Variants in ZNF74 observed in about 807,000 individuals in gnomAD.
ZNF74 encodes the protein zinc finger protein 520.
A neutral mutation model predicts 17.7 loss-of-function variants in ZNF74; 12 were observed. The ratio of observed to expected loss-of-function variants is 0.68; its 90% CI spans 0.43 to 1.10. The LOEUF is 1.10. Among genes scored for constraint, ZNF74 ranks in the 50% least tolerant of loss-of-function variants. The pLI, the probability that ZNF74 is intolerant of heterozygous loss-of-function variation, is 0.00. For missense variants in ZNF74, 811 were observed against 881.0 expected (o/e 0.92, Z 1.01); for synonymous variants, 358 against 362.1 (o/e 0.99, Z 0.13).
In ZNF74 at chr22:20,401,377, G is replaced by T; in HGVS notation, c.343+5G>T. The T allele has an allele frequency of 6.3e-7, 1 of 1,591,394 alleles. No individual in the cohort carries two copies. The highest frequency in any genetic ancestry group is 8.6e-7 in the Non-Finnish European group (1 of 1,165,982). ...TCCCCAGAGGGCCCTGTCCAGGTGAGCAGAGGCACAGGTGGAAGGGTGCCA... is the reference window on the plus strand; with the variant it reads ...TCCCCAGAGGGCCCTGTCCAGGTGATCAGAGGCACAGGTGGAAGGGTGCCA... On this transcript the variant is annotated splice_donor_5th_base_variant and intron_variant, in intron 4 of 4. Transcript: ENST00000400451. This position sits in a 1 kb window ranked among gnomAD's most constrained non-coding sequence, Gnocchi z 4.2.
rs778937378 is a variant in ZNF74, at chr22:20,405,527, C to T, written c.494C>T (p.Ala165Val). 7 of 1,601,698 alleles carry T rather than the reference C, an allele frequency of 4.4e-6. No individual in the cohort carries two copies. The highest frequency in any genetic ancestry group is 6.0e-6 in the Non-Finnish European group (7 of 1,174,518). ...CAGAGGAGTCAGGCTGCGCCCTGGGCGCCCGCACCTGCCATGGTCTGGGAC... is the reference window on the plus strand; with the variant it reads ...CAGAGGAGTCAGGCTGCGCCCTGGGTGCCCGCACCTGCCATGGTCTGGGAC... ...ALQRSQAAPW[A>V]PAPAMVWDVP... is the part of the protein sequence containing the mutation. The change falls in exon 5 of 5, where the codon GCG (alanine) becomes GTG (valine). Residue 165 changes from alanine to valine, a missense_variant. Transcript: ENST00000400451.
intron 4 of ZNF74, among the ~76,000 whole-genome samples, chr22:20,402,076 C>T (rs759790661): frequency 7.2e-5 from 11 of 152,264 alleles, no homozygotes; most frequent in Non-Finnish European, 1.2e-4. Flanking sequence ...GTGGTAAATT[C>T]GGCTTAATTT....
In ZNF74 at chr22:20,394,167, G is replaced by A; in HGVS notation, c.-462G>A. On this transcript the variant is annotated 5_prime_UTR_variant, in exon 1 of 5. Coordinates refer to ENST00000400451, the MANE Select transcript of ZNF74 (RefSeq NM_003426.4). ...CGCTTTCCCGCAGCGGCCGCCTGCT[G>A]CTCTTTGTGGCAGTCGCAGTCCTTT... is the stretch of plus-strand genomic sequence containing the variant. The A allele has an allele frequency of 1.6e-6, 1 of 618,544 alleles. No individual in the cohort carries two copies. Among genetic ancestry groups the A allele is most frequent in the African/African-American group, 1.9e-5 (1 of 52,120 alleles). The allele number at this position is 618,544 out of a possible 1,614,324, so 38.3% of individuals were successfully genotyped here. A position where few individuals can be genotyped will look rare whatever the true frequency, so the allele number is the denominator to read the frequency against.
At position 20,406,424 on chromosome 22, in the gene ZNF74, G is replaced by T. The variant is rs745846405; in HGVS notation, c.1391G>T (p.Arg464Leu). Residue 464 changes from arginine (R) to leucine (L), a missense_variant, in exon 5 of 5, where the codon CGC (arginine) becomes CTC (leucine). Around this residue, in one of 3 missense-constraint regions of ZNF74, gnomAD observed 666 missense variants for 702.3 expected, o/e 0.95. Coordinates refer to ENST00000400451, the MANE Select transcript of ZNF74 (RefSeq NM_003426.4). Reference protein sequence around the residue: ...SCHAYLLVHRRIHSGEKPFKC... With the variant: ...SCHAYLLVHRLIHSGEKPFKC... ...CACGCGTACCTGCTCGTGCACCGGC[G>T]CATCCACAGCGGCGAGAAGCCCTTC... The T allele has an allele frequency of 1.4e-5, 23 of 1,613,900 alleles. No individual in the cohort carries two copies. Among genetic ancestry groups the T allele is most frequent in the Non-Finnish European group, 1.9e-5 (22 of 1,179,968 alleles).
intron 4 of ZNF74, among the ~76,000 whole-genome samples, chr22:20,402,387 A>G (rs564765877): frequency 1.3e-5 from 2 of 152,302 alleles, no homozygotes; most frequent in African/African-American, 2.4e-5. Context: ...ATATACTGAA[A>G]ATGAGGCTGA....
In ZNF74 at chr22:20,405,897, CACCA is replaced by C; in HGVS notation, c.868_871del (p.Asn290PhefsTer320). The stretch of plus-strand genomic sequence containing the variant: ...AATGCGGCAAGGCCTTCACCTGGAG[CACCA>C]ACCTTCTGGAGCACCGGCGCATCCA... On this transcript the variant is annotated frameshift_variant, in exon 5 of 5. Coordinates refer to ENST00000400451, the MANE Select transcript of ZNF74 (RefSeq NM_003426.4). LOFTEE classifies it low-confidence loss of function (END_TRUNC). 6.2e-7 allele frequency: 1 copy of C among 1,613,814 alleles called. No homozygotes were observed. Among genetic ancestry groups the C allele is most frequent in the South Asian group, 1.1e-5 (1 of 91,088 alleles).
chr22:20,401,282 C>A lies in ZNF74; in HGVS notation c.253C>A (p.Pro85Thr). ...CACTTTCTCTCCACGAGCAGGACCT[C>A]CACTGCACAAGCCAGATGTGATCTC... Reference protein sequence around the residue: ...NYQNLLALGPPLHKPDVISHL... With the variant: ...NYQNLLALGPTLHKPDVISHL... The change falls in exon 4 of 5, where the codon CCA (proline) becomes ACA (threonine). Residue 85 changes from proline (P) to threonine (T), a missense_variant. Around this residue, in one of 3 missense-constraint regions of ZNF74, gnomAD observed 666 missense variants for 702.3 expected, o/e 0.95. Coordinates refer to ENST00000400451, the MANE Select transcript of ZNF74 (RefSeq NM_003426.4). The surrounding 1 kb of genome is among the most constrained non-coding windows in gnomAD (Gnocchi z 4.2). 1 of 1,609,924 alleles carries A rather than the reference C, an allele frequency of 6.2e-7. No homozygotes were observed. The highest frequency in any genetic ancestry group is 2.2e-5 in the East Asian group (1 of 44,688).
In ZNF74 at chr22:20,405,601, C is replaced by G. The variant is rs200102074; in HGVS notation, c.568C>G (p.Arg190Gly). Reference protein sequence around the residue: ...PLRCPLFAQQRVPEGGPLLDT... With the variant: ...PLRCPLFAQQGVPEGGPLLDT... ...CAGGTGTCCCCTCTTCGCCCAGCAA[C>G]GCGTTCCCGAGGGGGGACCCTTGCT... The change falls in exon 5 of 5, where the codon CGC becomes GGC. Residue 190 changes from arginine to glycine, a missense_variant. Arg to Gly is a moderately radical substitution (Grantham distance 125). Around this residue, in one of 3 missense-constraint regions of ZNF74, gnomAD observed 666 missense variants for 702.3 expected, o/e 0.95. Coordinates refer to ENST00000400451, the MANE Select transcript of ZNF74 (RefSeq NM_003426.4). 5.2e-4 allele frequency: 832 copies of G among 1,613,156 alleles called. 1 individual carries two copies. Among genetic ancestry groups the G allele is most frequent in the Non-Finnish European group, 4.4e-4 (521 of 1,179,568 alleles).
In ZNF74 at chr22:20,406,497, C is replaced by T. The variant is rs766829768; in HGVS notation, c.1464C>T (p.Ile488=). ...CCTTCAGCTCCCACGCCTACCTCATCGTGCACCGGCGCATCCACACAGGCG... is the reference window on the plus strand; with the variant it reads ...CCTTCAGCTCCCACGCCTACCTCATTGTGCACCGGCGCATCCACACAGGCG... The part of the protein sequence containing the change: ...GKAFSSHAYL[I]VHRRIHTGEK... The change falls in exon 5 of 5, where the codon ATC becomes ATT. Residue 488 remains isoleucine (I), a synonymous_variant. Coordinates refer to ENST00000400451, the MANE Select transcript of ZNF74 (RefSeq NM_003426.4). 7.6e-5 allele frequency: 122 copies of T among 1,612,614 alleles called. No homozygotes were observed. Among genetic ancestry groups the T allele is most frequent in the Non-Finnish European group, 9.2e-5 (109 of 1,179,620 alleles).
In ZNF74 at chr22:20,394,635, A is replaced by G; in HGVS notation, c.7A>G (p.Ile3Val). Residue 3 changes from isoleucine (I) to valine (V), a missense_variant, in exon 1 of 5, where the codon ATC becomes GTC. Around this residue, in one of 3 missense-constraint regions of ZNF74, gnomAD observed 666 missense variants for 702.3 expected, o/e 0.95. Coordinates refer to ENST00000400451, the MANE Select transcript of ZNF74 (RefSeq NM_003426.4). ME[I>V]PAPEPEKTAL... ...GGAGGCTGCCGTGGAGGCCATGGAG[A>G]TCCCTGCCCCGGAGCCCGAGAAGAC... 1 of 1,614,104 alleles carries G rather than the reference A, an allele frequency of 6.2e-7. No individual in the cohort carries two copies. The highest frequency in any genetic ancestry group is 1.3e-5 in the African/African-American group (1 of 75,046).
In ZNF74 at chr22:20,394,679, GTAGTCAGTA is replaced by G; in HGVS notation, c.34+19_34+27del. On this transcript the variant is annotated intron_variant, in intron 1 of 4. Transcript: ENST00000400451. Reference sequence around the variant, plus strand: ...AGAAGACAGGTACAGCTTCACTCTTGTAGTCAGTATGTCTGTGGATTTGCACTTGAGGAT... The same window carrying G: ...AGAAGACAGGTACAGCTTCACTCTTGTGTCTGTGGATTTGCACTTGAGGAT... 1.2e-6 allele frequency: 2 copies of G among 1,613,836 alleles called. No homozygotes were observed.
intron 2 of ZNF74, among the ~76,000 whole-genome samples, chr22:20,396,654 C>A (rs924715847): frequency 6.6e-6 from 1 of 152,086 alleles, no homozygotes; most frequent in African/African-American, 2.4e-5. Flanking sequence ...TGTGTTATTC[C>A]TATTCCTAAA....
chr22:20,394,635 AT>A lies in ZNF74; in HGVS notation c.8del (p.Ile3ThrfsTer20). On this transcript the variant is annotated frameshift_variant, in exon 1 of 5. Coordinates refer to ENST00000400451, the MANE Select transcript of ZNF74 (RefSeq NM_003426.4). LOFTEE classifies it high-confidence loss of function. The part of the protein sequence containing the change: ME[I>X]PAPEPEKTAL... ...GGAGGCTGCCGTGGAGGCCATGGAGATCCCTGCCCCGGAGCCCGAGAAGACA... is the reference window on the plus strand; with the variant it reads ...GGAGGCTGCCGTGGAGGCCATGGAGACCCTGCCCCGGAGCCCGAGAAGACA... 1 of 1,614,104 alleles carries A rather than the reference AT, an allele frequency of 6.2e-7. No individual in the cohort carries two copies. The highest frequency in any genetic ancestry group is 8.5e-7 in the Non-Finnish European group (1 of 1,180,004).
In ZNF74 at chr22:20,406,188, G is replaced by A. The variant is rs1283155242; in HGVS notation, c.1155G>A (p.Glu385=). Residue 385 remains glutamate (E), a synonymous_variant, in exon 5 of 5, where the codon GAG becomes GAA. Transcript: ENST00000400451. ...LTRHHRIHTG[E]KPYQCGSCGK... ...GCCACCACCGCATCCACACGGGCGA[G>A]AAGCCCTACCAGTGCGGCTCCTGCG... 45 of 1,613,616 alleles carry A rather than the reference G, an allele frequency of 2.8e-5. No individual in the cohort carries two copies. The highest frequency in any genetic ancestry group is 3.8e-5 in the Non-Finnish European group (45 of 1,180,004).
chr22:20,395,474 C>T, intron 2 of ZNF74, 56 bp downstream of exon 2: 2 of 1,399,026 alleles, frequency 1.4e-6, no homozygotes, highest in South Asian at 1.2e-5. Context: ...ATTCCCTCCC[C>T]AGCCCTGGAT....
At position 20,405,775 on chromosome 22, in the gene ZNF74, T is replaced by A. The variant is rs753145614; in HGVS notation, c.742T>A (p.Phe248Ile). The A allele has an allele frequency of 6.2e-7, 1 of 1,609,658 alleles. No homozygotes were observed. Among genetic ancestry groups the A allele is most frequent in the Non-Finnish European group, 8.5e-7 (1 of 1,178,456 alleles). Reference protein sequence around the residue: ...QRGAGAGEGEFVCGECGKAFR... With the variant: ...QRGAGAGEGEIVCGECGKAFR... Reference sequence around the variant, plus strand: ...CGGGGCGGGCGCCGGGGAGGGCGAGTTCGTGTGCGGCGAGTGCGGGAAGGC... The same window carrying A: ...CGGGGCGGGCGCCGGGGAGGGCGAGATCGTGTGCGGCGAGTGCGGGAAGGC... The change falls in exon 5 of 5, where the codon TTC (phenylalanine) becomes ATC (isoleucine). Residue 248 changes from phenylalanine (F) to isoleucine (I), a missense_variant. Phe to Ile is a conservative substitution (Grantham distance 21). This residue lies in a region of ZNF74 where 666 missense variants were observed against 702.3 expected (regional missense o/e 0.95). Transcript: ENST00000400451.
rs781473080 is a variant in ZNF74, at chr22:20,405,740, G to C, written c.707G>C (p.Arg236Pro). Residue 236 changes from arginine (R) to proline (P), a missense_variant, in exon 5 of 5, where the codon CGC becomes CCC. Physicochemically the swap from Arg to Pro is moderately radical, Grantham distance 103. Coordinates refer to ENST00000400451, the MANE Select transcript of ZNF74 (RefSeq NM_003426.4). ...PSEPEKFPQV[R>P]RQRGAGAGEG... ...GAGCCAGAAAAGTTCCCCCAGGTGC[G>C]CCGGCAGCGCGGGGCGGGCGCCGGG... The C allele has an allele frequency of 2.5e-6, 4 of 1,603,872 alleles. No homozygotes were observed. The highest frequency in any genetic ancestry group is 1.7e-6 in the Non-Finnish European group (2 of 1,175,902).
At position 20,394,369 on chromosome 22, in the gene ZNF74, G is replaced by A. The variant is rs557800709; in HGVS notation, c.-260G>A. On this transcript the variant is annotated 5_prime_UTR_variant, in exon 1 of 5. Transcript: ENST00000400451. ...GAGGAGCGTGTGGCGGGGGTGTGCC[G>A]GGGCGTGAGTGCGCCGAGCATGGGG... 1.2e-4 allele frequency: 80 copies of A among 681,474 alleles called. 2 individuals are homozygous for A. In the South Asian group the frequency reaches 1.2e-3, roughly 10 times the overall value. 42.2% of individuals were successfully genotyped at this position (681,474 alleles called of 1,614,324 possible).
intron 4 of ZNF74, among the ~76,000 whole-genome samples, chr22:20,402,394 C>A (rs2052368704): frequency 6.6e-6 from 1 of 152,178 alleles, no homozygotes; most frequent in South Asian, 2.1e-4. Flanking sequence ...GAAAATGAGG[C>A]TGAAAGGTTA....
Sources: allele counts gnomAD v4.1 joint callset (sites outside exome capture counted in the v4.1 genomes callset), GRCh38; gene constraint gnomAD v4.1.1; regional missense constraint gnomAD v4.1.1; non-coding constraint Gnocchi (gnomAD v3.1); transcripts MANE v1.5; gene names NCBI Gene and HGNC (gene_info 2026-07-23, HGNC 2026-07-21).